ZFYVE9: variants seen among roughly 807,000 people sequenced by gnomAD.
ZFYVE9 encodes zinc finger FYVE domain-containing protein 9.
In ZFYVE9, 43 loss-of-function variants were observed where a neutral mutation model predicts 126.7. The ratio of observed to expected loss-of-function variants is 0.34; its 90% CI spans 0.27 to 0.44. The LOEUF (loss-of-function observed/expected upper bound fraction) is 0.44, where lower values mean the gene tolerates loss of function less well. Ranked by LOEUF, ZFYVE9 falls within the 20% of genes least tolerant of loss-of-function variation. The pLI, the probability that ZFYVE9 is intolerant of heterozygous loss-of-function variation, is 1.00. For synonymous variants in ZFYVE9, 521 were observed against 597.4 expected (o/e 0.87, Z 1.87); for missense variants, 1,476 against 1,697.0 (o/e 0.87, Z 2.29).
intron 4 of ZFYVE9, among the ~76,000 whole-genome samples, chr1:52,258,110 C>T (rs922677417): frequency 6.6e-6 from 1 of 152,082 alleles, no homozygotes; most frequent in Admixed American, 6.5e-5. Flanking sequence ...GTTTCAGACA[C>T]AATATTGAAG....
intron 13 of ZFYVE9, among the ~76,000 whole-genome samples, chr1:52,322,592 G>T (rs1277673024): frequency 1.3e-5 from 2 of 151,668 alleles, no homozygotes; most frequent in African/African-American, 2.4e-5. Context: ...TGGCCAGGCT[G>T]GTCTCGAACT....
At chr1:52,322,315 C>T (rs1308349526) in intron 13 of ZFYVE9, among the ~76,000 whole-genome samples, 4 of 151,898 alleles carry the variant, frequency 2.6e-5, no homozygotes, top group East Asian at 3.9e-4. Flanking sequence ...GGCCTCCTAA[C>T]TGGTCTTCCT....
At chr1:52,183,161 G>A (rs574914527) in intron 1 of ZFYVE9, among the ~76,000 whole-genome samples, 19 of 152,250 alleles carry the variant, frequency 1.2e-4, no homozygotes, top group African/African-American at 4.6e-4. Flanking sequence ...TTTAATGTTT[G>A]TTATCAAAAG....
At chr1:52,188,148 A>G (rs1644781696) in intron 1 of ZFYVE9, among the ~76,000 whole-genome samples, 1 of 152,252 alleles carries the variant, frequency 6.6e-6, no homozygotes, top group African/African-American at 2.4e-5. Flanking sequence ...ATGGCGCCAT[A>G]CAAAAGAATG....
At chr1:52,323,895 C>CAAA (rs35308713) in intron 13 of ZFYVE9, among the ~76,000 whole-genome samples, 25 of 126,062 alleles carry the variant, frequency 2.0e-4, no homozygotes, top group South Asian at 7.7e-4. Flanking sequence ...CTACTAAATA[C>CAAA]AAAAAAAAAA....
At chr1:52,214,732 A>G (rs1305767957) in intron 1 of ZFYVE9, among the ~76,000 whole-genome samples, 37 of 152,130 alleles carry the variant, frequency 2.4e-4, no homozygotes. Flanking sequence ...AGAGGCTGAG[A>G]AGTTTCCCAA....
chr1:52,168,614 C>CA (rs1353447291), intron 1 of ZFYVE9, among the ~76,000 whole-genome samples: 52 of 151,672 alleles, frequency 3.4e-4, no homozygotes, highest in Non-Finnish European at 1.9e-4. Flanking sequence ...ACCTCAGGCT[C>CA]AAACAAGCCT....
chr1:52,251,996 T>C (rs1645452221), intron 4 of ZFYVE9: 1 of 157,988 alleles, frequency 6.3e-6, no homozygotes. Flanking sequence ...ATTTTTTTTT[T>C]TTTTACAAAA....
chr1:52,223,406 A>G (rs746982150), intron 2 of ZFYVE9, among the ~76,000 whole-genome samples: 7 of 152,102 alleles, frequency 4.6e-5, no homozygotes, highest in Non-Finnish European at 1.0e-4. Flanking sequence ...TCCCTGTTGT[A>G]GGGTGGACAG....
At chr1:52,223,468 C>T (rs1026257224) in intron 2 of ZFYVE9, among the ~76,000 whole-genome samples, 2 of 152,114 alleles carry the variant, frequency 1.3e-5, no homozygotes, top group African/African-American at 4.8e-5. Flanking sequence ...TCTACATACA[C>T]CTTTTGGGCC....
In ZFYVE9 at chr1:52,237,873, C is replaced by T. The variant is rs762478632; in HGVS notation, c.456C>T (p.Ala152=). Residue 152 remains alanine, a synonymous_variant, in exon 4 of 19, where the codon GCC becomes GCT. Transcript: ENST00000287727. ...LPDEKNVLVV[A]VMHNCDKRTL... ...ATGAGAAGAATGTTCTTGTTGTAGCCGTCATGCATAACTGTGATAAAAGGA... is the reference window on the plus strand; with the variant it reads ...ATGAGAAGAATGTTCTTGTTGTAGCTGTCATGCATAACTGTGATAAAAGGA... 4 of 1,613,868 alleles carry T rather than the reference C, an allele frequency of 2.5e-6. No homozygotes were observed. Among genetic ancestry groups the T allele is most frequent in the Middle Eastern group, 1.6e-4 (1 of 6,062 alleles).
chr1:52,178,133 G>A (rs1644657589), intron 1 of ZFYVE9, among the ~76,000 whole-genome samples: 1 of 151,560 alleles, frequency 6.6e-6, no homozygotes, highest in Admixed American at 6.6e-5. Context: ...CAAAAAATTA[G>A]CTGGGTGTGG....
chr1:52,198,131 T>TTG (rs1278427078), intron 1 of ZFYVE9, among the ~76,000 whole-genome samples: 12 of 138,470 alleles, frequency 8.7e-5, no homozygotes, highest in Middle Eastern at 3.3e-3. Flanking sequence ...TTTGTTTTTT[T>TTG]TTTTTTTTGA....
At chr1:52,286,890 G>A (rs1278805319) in intron 10 of ZFYVE9, among the ~76,000 whole-genome samples, 1 of 151,978 alleles carries the variant, frequency 6.6e-6, no homozygotes, top group Non-Finnish European at 1.5e-5. Context: ...GGTTCATTTT[G>A]TGTATATTCT....
chr1:52,286,560 A>G (rs138192869), intron 10 of ZFYVE9, among the ~76,000 whole-genome samples: 94 of 152,324 alleles, frequency 6.2e-4, no homozygotes, highest in Non-Finnish European at 7.4e-4. Flanking sequence ...TGACAGTGCC[A>G]TCGGAGGTTG....
chr1:52,206,874 A>C (rs528244793), intron 1 of ZFYVE9, among the ~76,000 whole-genome samples: 22 of 152,220 alleles, frequency 1.4e-4, no homozygotes, highest in Non-Finnish European at 2.5e-4. Flanking sequence ...TCTAGCTTGC[A>C]GACAGTAAAT....
intron 4 of ZFYVE9, among the ~76,000 whole-genome samples, 196 bp from the exon 5 acceptor site, chr1:52,263,573 ATTTC>A (rs1645602245): frequency 6.6e-6 from 1 of 151,912 alleles, no homozygotes. Flanking sequence ...AATGTTTCCC[ATTTC>A]TTTATTGTTG....
chr1:52,142,922 A>G lies in ZFYVE9; in HGVS notation c.-143+519A>G, dbSNP rs1644274048. 6.6e-6 allele frequency among the ~76,000 whole-genome samples: 1 copy of G among 152,092 alleles called. No individual in the cohort carries two copies. Among genetic ancestry groups the G allele is most frequent in the Admixed American group, 6.5e-5 (1 of 15,282 alleles). ...GAGCCCCTGCTACTCCTGGAGTGTC[A>G]TTCATGGATCTGGCTTGCTCGAGAA... On this transcript the variant is annotated intron_variant, in intron 1 of 18. Coordinates refer to ENST00000287727, the MANE Select transcript of ZFYVE9 (RefSeq NM_004799.4). This position sits in a 1 kb window ranked among gnomAD's most constrained non-coding sequence, Gnocchi z 4.5.
chr1:52,278,563 C>G lies in ZFYVE9; in HGVS notation c.2818C>G (p.Leu940Val). 9.3e-6 allele frequency: 15 copies of G among 1,604,870 alleles called. No homozygotes were observed. Among genetic ancestry groups the G allele is most frequent in the Non-Finnish European group, 1.3e-5 (15 of 1,175,974 alleles). ...QQLEDGGPDP[L>V]VFVLNANLLS... is the part of the protein sequence containing the mutation. ...GTTGGAGGATGGTGGCCCTGACCCA[C>G]TTGTATTTGTTTTAAATGCAAATTT... The change falls in exon 9 of 19, where the codon CTT becomes GTT. Residue 940 changes from leucine to valine, a missense_variant. Around this residue, in one of 2 missense-constraint regions of ZFYVE9, gnomAD observed 669 missense variants for 902.4 expected, o/e 0.74. Transcript: ENST00000287727.
Sources: gnomAD v4.1 joint callset for allele counts (sites outside exome capture counted in the v4.1 genomes callset) on GRCh38, gnomAD v4.1.1 for gene constraint, gnomAD v4.1.1 regional missense constraint, Gnocchi (gnomAD v3.1) non-coding constraint, MANE v1.5 for transcripts, NCBI Gene and HGNC (gene_info 2026-07-23, HGNC 2026-07-21) for gene names.